The following CD2AP variants were observed in gnomAD, a reference collection of about 807,000 sequenced individuals.
CD2AP encodes the protein CD2 associated protein, also known as CD2-associated protein.
Under a neutral mutation model 85.1 loss-of-function variants are expected in CD2AP, and 46 were observed. The observed-to-expected ratio is 0.54, with a 90% CI of 0.43 to 0.69. CD2AP has a LOEUF of 0.69. CD2AP is among the 30% of genes least tolerant of loss of function. CD2AP has a pLI of 0.00. For synonymous variants in CD2AP, 255 were observed against 252.9 expected (o/e 1.01, Z -0.08); for missense variants, 769 against 729.5 (o/e 1.05, Z -0.62).
chr6:47,500,986 A>C (rs1562005006), intron 1 of CD2AP, among the ~76,000 whole-genome samples: 1 of 151,984 alleles, frequency 6.6e-6, no homozygotes. Context: ...TGACCTTGTG[A>C]TCCGCCTGCC....
At chr6:47,500,061 C>A (rs1343066210) in intron 1 of CD2AP, among the ~76,000 whole-genome samples, 2 of 152,190 alleles carry the variant, frequency 1.3e-5, no homozygotes, top group African/African-American at 4.8e-5. Context: ...ATTAGCAAGT[C>A]AGGAACTGCC....
At chr6:47,576,411 C>T (rs1474651772) in intron 6 of CD2AP, 113 bp from the exon 7 acceptor site, 1 of 774,040 alleles carries the variant, frequency 1.3e-6, no homozygotes, top group Non-Finnish European at 2.3e-6. Flanking sequence ...ACATTACTAT[C>T]CTAGCTATAA....
chr6:47,602,716 C>T (rs1283777560), intron 13 of CD2AP, among the ~76,000 whole-genome samples: 2 of 149,502 alleles, frequency 1.3e-5, no homozygotes, highest in African/African-American at 2.5e-5. Flanking sequence ...ATAGTGAGAC[C>T]GTGTCTCTAC....
chr6:47,620,396 A>G (rs1305480049), intron 17 of CD2AP, among the ~76,000 whole-genome samples: 1 of 152,114 alleles, frequency 6.6e-6, no homozygotes, highest in Admixed American at 6.6e-5. Flanking sequence ...TCTCTGTTCC[A>G]TTGATCTATG....
At chr6:47,530,900 G>T (rs776097283) in intron 2 of CD2AP, among the ~76,000 whole-genome samples, 2 of 152,086 alleles carry the variant, frequency 1.3e-5, no homozygotes, top group African/African-American at 2.4e-5. Flanking sequence ...GACATATATT[G>T]CCAGAACTTA....
At chr6:47,532,370 T>G (rs1487995126) in intron 2 of CD2AP, among the ~76,000 whole-genome samples, 2 of 133,394 alleles carry the variant, frequency 1.5e-5, no homozygotes, top group East Asian at 4.3e-4. Context: ...TATATATATA[T>G]ATGTATACAC....
At chr6:47,581,927 T>A in intron 10 of CD2AP, 76 bp from the exon 11 acceptor site, 1 of 929,628 alleles carries the variant, frequency 1.1e-6, no homozygotes, top group Non-Finnish European at 1.8e-6. Context: ...CAACTCATCT[T>A]TACTTTTTAG....
At chr6:47,553,513 A>ATTTTTTT (rs148273065) in intron 4 of CD2AP, among the ~76,000 whole-genome samples, 25 of 110,494 alleles carry the variant, frequency 2.3e-4, no homozygotes, top group African/African-American at 3.6e-4. Context: ...CACCTAGTGA[A>ATTTTTTT]TTTTTTTTTT....
intron 2 of CD2AP, among the ~76,000 whole-genome samples, chr6:47,509,503 G>A (rs867106686): frequency 1.3e-5 from 2 of 152,220 alleles, no homozygotes; most frequent in East Asian, 1.9e-4. Context: ...AACGAGGTAG[G>A]CCTGTAACTG....
rs1404379648 is a variant in CD2AP, at chr6:47,595,897, C to T, written c.1145C>T (p.Pro382Leu). Residue 382 changes from proline (P) to leucine (L), a missense_variant, in exon 12 of 18, where the codon CCA becomes CTA. By Grantham distance (98) the Pro-to-Leu change is moderately conservative. Coordinates refer to ENST00000359314, the MANE Select transcript of CD2AP (RefSeq NM_012120.3). ...ACACTGGAACAGAAACCTTCTAAAC[C>T]AGCAGCTCCACAAGTCCCACCCAAG... ...KSTLEQKPSK[P>L]AAPQVPPKKP... is the part of the protein sequence containing the mutation. The T allele has an allele frequency of 6.2e-6, 10 of 1,612,682 alleles. No individual in the cohort carries two copies. The highest frequency in any genetic ancestry group is 2.2e-5 in the South Asian group (2 of 91,014).
chr6:47,622,928 A>G (rs963460147), intron 17 of CD2AP, among the ~76,000 whole-genome samples: 2 of 152,220 alleles, frequency 1.3e-5, no homozygotes, highest in African/African-American at 2.4e-5. Flanking sequence ...ATTGCTGATT[A>G]TGCATGCAGT....
chr6:47,550,026 G>T (rs1767470744), intron 4 of CD2AP, among the ~76,000 whole-genome samples: 1 of 152,108 alleles, frequency 6.6e-6, no homozygotes, highest in Admixed American at 6.6e-5. Flanking sequence ...AATGAAACTG[G>T]ATCCTCATCT....
chr6:47,513,680 G>A (rs189194876), intron 2 of CD2AP, among the ~76,000 whole-genome samples: 1 of 151,756 alleles, frequency 6.6e-6, no homozygotes, highest in African/African-American at 2.4e-5. Flanking sequence ...TGGATATTTA[G>A]GACTTTTTTT....
At chr6:47,563,368 A>C (rs1174719012) in intron 5 of CD2AP, among the ~76,000 whole-genome samples, 1 of 152,328 alleles carries the variant, frequency 6.6e-6, no homozygotes, top group East Asian at 1.9e-4. Flanking sequence ...TTAATATGCA[A>C]ATTTTCATCT....
At position 47,494,510 on chromosome 6, in the gene CD2AP, G is replaced by C. The variant is rs140112241; in HGVS notation, c.5-8770G>C. Among the ~76,000 whole-genome samples, 12 of 152,278 alleles carry C rather than the reference G, an allele frequency of 7.9e-5. No individual in the cohort carries two copies. The East Asian group carries it at 1.9e-3, about 24-fold the overall frequency. ...AAATCAGGGAAATTCCCATTCCTAGGTGGTATACAGCCCCTGACAGTCTTT... is the reference window on the plus strand; with the variant it reads ...AAATCAGGGAAATTCCCATTCCTAGCTGGTATACAGCCCCTGACAGTCTTT... On this transcript the variant is annotated intron_variant, in intron 1 of 17. Coordinates refer to ENST00000359314, the MANE Select transcript of CD2AP (RefSeq NM_012120.3).
chr6:47,486,910 T>C (rs1765578803), intron 1 of CD2AP, among the ~76,000 whole-genome samples: 1 of 152,214 alleles, frequency 6.6e-6, no homozygotes, highest in South Asian at 2.1e-4. Flanking sequence ...TTGGGGGACA[T>C]TTAAAGTTGG....
intron 1 of CD2AP, among the ~76,000 whole-genome samples, chr6:47,488,457 A>T (rs1389034359): frequency 6.6e-6 from 1 of 152,088 alleles, no homozygotes; most frequent in Admixed American, 6.5e-5. Flanking sequence ...AATATTTTGA[A>T]TGTATGTTGG....
intron 2 of CD2AP, among the ~76,000 whole-genome samples, chr6:47,521,963 C>G (rs753751160): frequency 1.3e-5 from 2 of 151,728 alleles, no homozygotes; most frequent in Non-Finnish European, 2.9e-5. Flanking sequence ...TGCAGTGAGC[C>G]GAGATCATGC....
chr6:47,505,615 G>T lies in CD2AP; in HGVS notation c.165+2175G>T, dbSNP rs1386364616. On this transcript the variant is annotated intron_variant, in intron 2 of 17. Transcript: ENST00000359314. Reference sequence around the variant, plus strand: ...TCCCGGACGGGGCGGCTGGCCGGGCGGGGGGGGCTGACCCCCCCCACCTCC... The same window carrying T: ...TCCCGGACGGGGCGGCTGGCCGGGCTGGGGGGGCTGACCCCCCCCACCTCC... 6.1e-4 allele frequency among the ~76,000 whole-genome samples: 12 copies of T among 19,668 alleles called. 1 individual carries two copies. Among genetic ancestry groups the T allele is most frequent in the Admixed American group, 3.5e-3 (7 of 1,980 alleles). The allele number at this position is 19,668 out of a possible 152,430, so 12.9% of individuals were successfully genotyped here. A position where few individuals can be genotyped will look rare whatever the true frequency, so the allele number is the denominator to read the frequency against.
Sources: allele counts gnomAD v4.1 joint callset (sites outside exome capture counted in the v4.1 genomes callset), GRCh38; gene constraint gnomAD v4.1.1; transcripts MANE v1.5; gene names NCBI Gene and HGNC (gene_info 2026-07-23, HGNC 2026-07-21).